Variants in RIMS1 observed in about 807,000 individuals in gnomAD.
RIMS1 encodes regulating synaptic membrane exocytosis 1, also known as regulating synaptic membrane exocytosis protein 1.
Under a neutral mutation model 214.1 loss-of-function variants are expected in RIMS1, and 83 were observed. The observed-to-expected ratio is 0.39, with a 90% CI of 0.32 to 0.47. The LOEUF is 0.47. RIMS1 is among the 20% of genes least tolerant of loss of function. The pLI, the probability that RIMS1 is intolerant of heterozygous loss-of-function variation, is 0.99. For synonymous variants in RIMS1, 793 were observed against 786.8 expected, an observed-to-expected ratio of 1.01 and a Z score of -0.13; for missense variants, 2,050 against 2,161.8, an observed-to-expected ratio of 0.95 and a Z score of 1.03.
chr6:72,376,090 C>G (rs953284163), intron 29 of RIMS1, among the ~76,000 whole-genome samples: 14 of 152,180 alleles, frequency 9.2e-5, no homozygotes, highest in African/African-American at 3.4e-4. Context: ...ACCCTAGCAC[C>G]CCAATTTTCT....
At chr6:71,967,107 G>A (rs575824860) in intron 1 of RIMS1, among the ~76,000 whole-genome samples, 27 of 152,230 alleles carry the variant, frequency 1.8e-4, no homozygotes, top group Admixed American at 4.6e-4. Flanking sequence ...AAAATGCTGC[G>A]GCCAGGCGCA....
intron 29 of RIMS1, among the ~76,000 whole-genome samples, chr6:72,336,438 G>C (rs2154346711): frequency 6.6e-6 from 1 of 151,926 alleles, no homozygotes; most frequent in East Asian, 2.0e-4. Flanking sequence ...TTCCTTCCCA[G>C]AAGATGTATT....
At chr6:72,390,828 C>T in intron 30 of RIMS1, 92 bp downstream of exon 30, 1 of 1,441,894 alleles carries the variant, frequency 6.9e-7, no homozygotes, top group Non-Finnish European at 9.4e-7. Flanking sequence ...TACTGTGCAG[C>T]TTCTCTATTT....
chr6:71,915,636 T>C (rs1364520713), intron 1 of RIMS1, among the ~76,000 whole-genome samples: 2 of 152,178 alleles, frequency 1.3e-5, no homozygotes, highest in African/African-American at 2.4e-5. Flanking sequence ...CAGTTTCCTC[T>C]TCTCACAGGA....
intron 2 of RIMS1, among the ~76,000 whole-genome samples, chr6:72,023,291 G>C (rs971325978): frequency 6.6e-6 from 1 of 152,144 alleles, no homozygotes; most frequent in Non-Finnish European, 1.5e-5. Flanking sequence ...ATATAGAACA[G>C]TGTCATACTT....
At chr6:72,234,249 C>G (rs574633592) in intron 7 of RIMS1, among the ~76,000 whole-genome samples, 2 of 151,890 alleles carry the variant, frequency 1.3e-5, no homozygotes, top group East Asian at 3.9e-4. Flanking sequence ...AAATATAGTT[C>G]TAAATGAAAA....
intron 2 of RIMS1, among the ~76,000 whole-genome samples, chr6:72,093,229 A>ATATATATATATATAT (rs1562294511): frequency 2.4e-5 from 2 of 82,664 alleles, no homozygotes; most frequent in African/African-American, 3.4e-5. Context: ...TATATATATA[A>ATATATATATATATAT]AAACATGTGT....
chr6:72,299,787 A>C (rs2094447040), intron 26 of RIMS1, among the ~76,000 whole-genome samples: 1 of 151,896 alleles, frequency 6.6e-6, no homozygotes, highest in African/African-American at 2.4e-5. Context: ...CTATAAGAAC[A>C]AATTATGTAC....
chr6:72,217,654 T>A (rs1441253945), intron 6 of RIMS1, among the ~76,000 whole-genome samples: 2 of 152,198 alleles, frequency 1.3e-5, no homozygotes, highest in African/African-American at 4.8e-5. Flanking sequence ...GATTTAAGTA[T>A]ATATAGATTG....
intron 29 of RIMS1, among the ~76,000 whole-genome samples, chr6:72,339,811 G>A (rs2096985503): frequency 2.0e-5 from 3 of 151,578 alleles, no homozygotes; most frequent in Non-Finnish European, 4.4e-5. Context: ...GTAATGGGAT[G>A]GCTGGGTCAA....
intron 15 of RIMS1, among the ~76,000 whole-genome samples, chr6:72,252,235 T>C (rs2073737046): frequency 6.6e-6 from 1 of 152,208 alleles, no homozygotes; most frequent in Non-Finnish European, 1.5e-5. Flanking sequence ...TATTTCATGT[T>C]GATGCTTCCC....
chr6:71,996,752 C>T (rs1022852026), intron 2 of RIMS1, among the ~76,000 whole-genome samples: 74 of 134,838 alleles, frequency 5.5e-4, no homozygotes, highest in Non-Finnish European at 1.0e-3. Flanking sequence ...GTGACAAAAA[C>T]AAGGCAACAC....
At chr6:72,123,353 C>G (rs972683608) in intron 4 of RIMS1, among the ~76,000 whole-genome samples, 17 of 151,832 alleles carry the variant, frequency 1.1e-4, no homozygotes, top group Non-Finnish European at 2.2e-4. Context: ...GTTGTGATTT[C>G]TGTTCTTTTA....
intron 23 of RIMS1, among the ~76,000 whole-genome samples, chr6:72,281,126 G>T (rs1330551138): frequency 6.6e-6 from 1 of 152,074 alleles, no homozygotes; most frequent in Non-Finnish European, 1.5e-5. Flanking sequence ...GATTACTGTT[G>T]TTCAGATTAT....
chr6:71,980,713 T>C (rs910024361), intron 2 of RIMS1, among the ~76,000 whole-genome samples: 4 of 151,914 alleles, frequency 2.6e-5, no homozygotes, highest in Non-Finnish European at 5.9e-5. Context: ...GACCAATTAG[T>C]AGATGATTAA....
intron 10 of RIMS1, among the ~76,000 whole-genome samples, chr6:72,244,419 CT>C (rs1014400329): frequency 1.3e-5 from 2 of 151,706 alleles, no homozygotes; most frequent in African/African-American, 4.8e-5. Context: ...TGCCACCATT[CT>C]TTTTTCACAG....
intron 9 of RIMS1, among the ~76,000 whole-genome samples, chr6:72,239,438 C>T (rs184794795): frequency 2.4e-4 from 37 of 152,090 alleles, no homozygotes; most frequent in African/African-American, 7.0e-4. Context: ...TTTATGTATT[C>T]GAAGAAAGTG....
At chr6:72,348,312 C>T (rs1225389710) in intron 29 of RIMS1, among the ~76,000 whole-genome samples, 1 of 151,788 alleles carries the variant, frequency 6.6e-6, no homozygotes, top group Non-Finnish European at 1.5e-5. Context: ...ATTATAGAAA[C>T]CTGCATATGC....
At chr6:72,324,815 G>A (rs990147687) in intron 28 of RIMS1, among the ~76,000 whole-genome samples, 5 of 150,990 alleles carry the variant, frequency 3.3e-5, no homozygotes, top group African/African-American at 1.2e-4. Context: ...GTCTATGGCT[G>A]TTTTCCCGCC....
Sources: gnomAD v4.1 joint callset for allele counts (sites outside exome capture counted in the v4.1 genomes callset) on GRCh38, gnomAD v4.1.1 for gene constraint, MANE v1.5 for transcripts, NCBI Gene and HGNC (gene_info 2026-07-23, HGNC 2026-07-21) for gene names.